Variants in UBE2E2 observed in about 807,000 individuals in gnomAD.
UBE2E2 encodes ubiquitin-conjugating enzyme E2 E2.
UBE2E2 carries 6 observed loss-of-function variants against 24.7 expected under a neutral mutation model. The ratio of observed to expected loss-of-function variants is 0.24; its 90% confidence interval spans 0.13 to 0.48. UBE2E2 has a LOEUF of 0.48. Ranked by LOEUF, UBE2E2 falls within the 20% of genes least tolerant of loss-of-function variation. The pLI is 0.99. For missense variants in UBE2E2, 169 were observed against 245.0 expected, an observed-to-expected ratio of 0.69 and a Z score of 2.07; for synonymous variants, 104 against 83.6, an observed-to-expected ratio of 1.24 and a Z score of -1.33.
At chr3:23,240,783 T>G (rs574666390) in intron 3 of UBE2E2, among the ~76,000 whole-genome samples, 1 of 152,326 alleles carries the variant, frequency 6.6e-6, no homozygotes, top group Admixed American at 6.5e-5. Context: ...TGGGTCAAAA[T>G]TATTAATCCA....
intron 5 of UBE2E2, among the ~76,000 whole-genome samples, chr3:23,566,785 T>C (rs572891319): frequency 5.3e-5 from 8 of 152,188 alleles, no homozygotes; most frequent in African/African-American, 1.7e-4. Context: ...AGCTCCAACA[T>C]TGAGGGTCAC....
chr3:23,521,320 CA>C (rs1304137628), intron 4 of UBE2E2, among the ~76,000 whole-genome samples: 1 of 152,158 alleles, frequency 6.6e-6, no homozygotes. Flanking sequence ...AGTTAAACAG[CA>C]AGTGTGATAT....
intron 3 of UBE2E2, among the ~76,000 whole-genome samples, chr3:23,325,729 A>G (rs1331173851): frequency 8.5e-5 from 13 of 152,228 alleles, no homozygotes; most frequent in Non-Finnish European, 1.5e-5. Flanking sequence ...CTACTGTGAG[A>G]AATATAATAG....
intron 4 of UBE2E2, among the ~76,000 whole-genome samples, chr3:23,512,353 G>A (rs561667767): frequency 1.3e-5 from 2 of 152,112 alleles, no homozygotes; most frequent in African/African-American, 4.8e-5. Context: ...AAGTAGCCAG[G>A]ACTACAGGCA....
chr3:23,526,870 G>A (rs990947968), intron 4 of UBE2E2, among the ~76,000 whole-genome samples: 8 of 152,244 alleles, frequency 5.3e-5, no homozygotes, highest in Admixed American at 2.0e-4. Flanking sequence ...TTAAAACTCT[G>A]TCCAGAAATT....
At chr3:23,490,628 C>T (rs1237949721) in intron 3 of UBE2E2, among the ~76,000 whole-genome samples, 1 of 152,178 alleles carries the variant, frequency 6.6e-6, no homozygotes, top group African/African-American at 2.4e-5. Flanking sequence ...GTGTCATGAA[C>T]TTACTGAGGA....
At chr3:23,435,822 G>A (rs1165482541) in intron 3 of UBE2E2, among the ~76,000 whole-genome samples, 1 of 152,166 alleles carries the variant, frequency 6.6e-6, no homozygotes, top group Non-Finnish European at 1.5e-5. Context: ...GTGGAGAGGG[G>A]AACGTATGGG....
At chr3:23,313,230 G>T (rs1446192804) in intron 3 of UBE2E2, among the ~76,000 whole-genome samples, 2 of 151,980 alleles carry the variant, frequency 1.3e-5, no homozygotes, top group Admixed American at 1.3e-4. Flanking sequence ...GTTTCTTACA[G>T]TTTTTGTCTT....
At chr3:23,267,078 A>C (rs1698069805) in intron 3 of UBE2E2, among the ~76,000 whole-genome samples, 1 of 152,054 alleles carries the variant, frequency 6.6e-6, no homozygotes, top group Admixed American at 6.6e-5. Context: ...AATTTATAGC[A>C]CTAAATGCCC....
intron 3 of UBE2E2, among the ~76,000 whole-genome samples, chr3:23,433,288 T>TA (rs1698108698): frequency 6.6e-6 from 1 of 151,804 alleles, no homozygotes; most frequent in South Asian, 2.1e-4. Context: ...TTCATAATAA[T>TA]AAAAAATTAT....
chr3:23,538,405 G>T (rs1305278593), intron 5 of UBE2E2, among the ~76,000 whole-genome samples: 1 of 152,138 alleles, frequency 6.6e-6, no homozygotes, highest in Non-Finnish European at 1.5e-5. Context: ...GAAAAGGAAA[G>T]CTATGGTTAT....
At chr3:23,441,411 C>G (rs1443554005) in intron 3 of UBE2E2, among the ~76,000 whole-genome samples, 1 of 148,100 alleles carries the variant, frequency 6.8e-6, no homozygotes, top group Admixed American at 6.7e-5. Context: ...TGGTGGCGGG[C>G]GCCTGTAGTC....
At chr3:23,269,494 G>C (rs1698173548) in intron 3 of UBE2E2, among the ~76,000 whole-genome samples, 1 of 152,184 alleles carries the variant, frequency 6.6e-6, no homozygotes, top group South Asian at 2.1e-4. Flanking sequence ...GTGTTAGCTG[G>C]GAAGGATCAC....
intron 3 of UBE2E2, among the ~76,000 whole-genome samples, chr3:23,238,080 T>C (rs1394770236): frequency 6.6e-6 from 1 of 152,150 alleles, no homozygotes; most frequent in Non-Finnish European, 1.5e-5. Context: ...GGAATAAATA[T>C]GAGATATGGC....
chr3:23,395,542 T>G lies in UBE2E2; in HGVS notation c.228-104066T>G, dbSNP rs556502463. Among the ~76,000 whole-genome samples the G allele has an allele frequency of 1.6e-4, 24 of 152,338 alleles. No individual in the cohort carries two copies. The East Asian group carries it at 4.6e-3, about 29-fold the overall frequency. ...TTGGGTGAATTAGAATATAATTGAC[T>G]TCTCTAGTAGACTTTTGAGCTGAGT... On this transcript the variant is annotated intron_variant, in intron 3 of 5. Transcript: ENST00000396703.
intron 3 of UBE2E2, among the ~76,000 whole-genome samples, chr3:23,361,754 C>T (rs1352565217): frequency 6.6e-6 from 1 of 152,116 alleles, no homozygotes; most frequent in African/African-American, 2.4e-5. Context: ...TCTCAGAAAT[C>T]ACCACTAAGG....
intron 3 of UBE2E2, among the ~76,000 whole-genome samples, chr3:23,237,788 A>G (rs567406190): frequency 6.6e-6 from 1 of 152,264 alleles, no homozygotes; most frequent in African/African-American, 2.4e-5. Context: ...TAGGAGAATA[A>G]TAGCTTTTGA....
intron 4 of UBE2E2, among the ~76,000 whole-genome samples, chr3:23,521,297 T>A (rs1694859167): frequency 6.6e-6 from 1 of 152,256 alleles, no homozygotes; most frequent in Non-Finnish European, 1.5e-5. Flanking sequence ...TTTGTGTTTA[T>A]GTCACTGTCT....
intron 3 of UBE2E2, among the ~76,000 whole-genome samples, chr3:23,495,777 C>T (rs1045925583): frequency 2.6e-5 from 4 of 152,124 alleles, no homozygotes; most frequent in African/African-American, 9.7e-5. Flanking sequence ...CTGTCTATGC[C>T]TCATTGCCAG....
Sources: allele counts gnomAD v4.1 joint callset (sites outside exome capture counted in the v4.1 genomes callset), GRCh38; gene constraint gnomAD v4.1.1; transcripts MANE v1.5; gene names NCBI Gene and HGNC (gene_info 2026-07-23, HGNC 2026-07-21).